SHCBP1L: variants seen among roughly 807,000 people sequenced by gnomAD.
The protein encoded by SHCBP1L is SHC binding and spindle associated 1 like, also known as testicular spindle-associated protein SHCBP1L.
In SHCBP1L, 67 loss-of-function variants were observed where a neutral mutation model predicts 62.5. That is an observed-to-expected ratio of 1.07 (90% CI 0.88 to 1.31). The LOEUF is 1.31. SHCBP1L is among the 40% of genes most tolerant of loss of function. SHCBP1L has a pLI of 0.00. For missense variants in SHCBP1L, 823 were observed against 809.8 expected, an observed-to-expected ratio of 1.02 and a Z score of -0.20; for synonymous variants, 284 against 289.4, an observed-to-expected ratio of 0.98 and a Z score of 0.19.
chr1:182,949,953 C>T (rs1326255569), intron 2 of SHCBP1L, among the ~76,000 whole-genome samples: 1 of 151,666 alleles, frequency 6.6e-6, no homozygotes, highest in African/African-American at 2.4e-5. Context: ...AGGTGTGTGC[C>T]TGTTTTTCTG....
At chr1:182,923,491 G>GT (rs1260924261) in intron 6 of SHCBP1L, among the ~76,000 whole-genome samples, 1 of 152,062 alleles carries the variant, frequency 6.6e-6, no homozygotes, top group African/African-American at 2.4e-5. Flanking sequence ...ACTGAATCTA[G>GT]TAGCACATCA....
chr1:182,945,416 C>T (rs1558005341), intron 2 of SHCBP1L, among the ~76,000 whole-genome samples: 1 of 152,214 alleles, frequency 6.6e-6, no homozygotes, highest in Non-Finnish European at 1.5e-5. Flanking sequence ...AGTTCTCTGA[C>T]CAGTTCTATT....
intron 6 of SHCBP1L, among the ~76,000 whole-genome samples, chr1:182,924,660 C>T (rs1018784182): frequency 5.5e-5 from 7 of 128,232 alleles, no homozygotes; most frequent in Admixed American, 8.7e-5. Context: ...AGTGCTATTC[C>T]GATCCAACTA....
rs138163939 is a variant in SHCBP1L, at chr1:182,901,587, T to C, written c.1711-1353A>G. ...AGAGGAAGATTGGAAGGAGATTACG[T>C]TGGAGAAAGCAGGGGCCAGATCTTG... is the stretch of plus-strand genomic sequence containing the variant. On this transcript the variant is annotated intron_variant, in intron 9 of 9. Transcript: ENST00000367547. 2.4e-4 allele frequency among the ~76,000 whole-genome samples: 37 copies of C among 152,294 alleles called. 1 individual carries two copies. Among genetic ancestry groups the C allele is most frequent in the Non-Finnish European group, 5.0e-4 (34 of 68,018 alleles).
chr1:182,935,465 A>G (rs1651135128), intron 5 of SHCBP1L, among the ~76,000 whole-genome samples: 1 of 152,214 alleles, frequency 6.6e-6, no homozygotes. Context: ...CTGCTGGTAT[A>G]TAAAAAAGCA....
At chr1:182,913,433 G>A (rs139510634) in intron 6 of SHCBP1L, among the ~76,000 whole-genome samples, 1 of 152,320 alleles carries the variant, frequency 6.6e-6, no homozygotes, top group Non-Finnish European at 1.5e-5. Flanking sequence ...TGCTGGCAGG[G>A]AGAAAGCCCC....
chr1:182,913,992 A>G (rs1312893148), intron 6 of SHCBP1L, among the ~76,000 whole-genome samples: 1 of 152,180 alleles, frequency 6.6e-6, no homozygotes, highest in Non-Finnish European at 1.5e-5. Context: ...AAAAAATAAT[A>G]ATGATAAAAA....
chr1:182,942,491 C>T, intron 2 of SHCBP1L: 1 of 632,920 alleles, frequency 1.6e-6, no homozygotes. Flanking sequence ...GCCGCTGCCA[C>T]TCCTCCCGCC....
chr1:182,920,867 G>C (rs1650507682), intron 6 of SHCBP1L, among the ~76,000 whole-genome samples: 1 of 152,098 alleles, frequency 6.6e-6, no homozygotes, highest in South Asian at 2.1e-4. Flanking sequence ...CAAAACCTCT[G>C]ACAAATATGG....
chr1:182,932,142 T>C (rs1436131360), intron 5 of SHCBP1L, among the ~76,000 whole-genome samples: 1 of 130,018 alleles, frequency 7.7e-6, no homozygotes, highest in Non-Finnish European at 1.5e-5. Flanking sequence ...ACATTCCTTG[T>C]CTGGGTGTCC....
intron 6 of SHCBP1L, among the ~76,000 whole-genome samples, chr1:182,921,632 G>A (rs1406615968): frequency 2.0e-5 from 3 of 152,210 alleles, no homozygotes; most frequent in Non-Finnish European, 2.9e-5. Flanking sequence ...CAGGCAGGGC[G>A]TGGTGGCTCA....
At chr1:182,942,941 T>C (rs1651419863) in intron 2 of SHCBP1L, among the ~76,000 whole-genome samples, 1 of 152,218 alleles carries the variant, frequency 6.6e-6, no homozygotes. Flanking sequence ...ATATAAATTA[T>C]GTTCTTCAAA....
At chr1:182,910,423 T>C (rs1015916928) in intron 6 of SHCBP1L, among the ~76,000 whole-genome samples, 6 of 152,200 alleles carry the variant, frequency 3.9e-5, no homozygotes, top group Non-Finnish European at 8.8e-5. Context: ...CAAAATACTA[T>C]GGTTGTAAAT....
At chr1:182,932,476 T>C (rs114670097) in intron 5 of SHCBP1L, among the ~76,000 whole-genome samples, 1 of 145,526 alleles carries the variant, frequency 6.9e-6, no homozygotes, top group African/African-American at 2.8e-5. Context: ...TTATTATTTA[T>C]TTATTTATTT....
At chr1:182,914,364 A>AT (rs1650286588) in intron 6 of SHCBP1L, among the ~76,000 whole-genome samples, 1 of 152,196 alleles carries the variant, frequency 6.6e-6, no homozygotes, top group Non-Finnish European at 1.5e-5. Flanking sequence ...TAAAGGCAGT[A>AT]TTACTGTATT....
At chr1:182,927,104 A>G (rs1650786669) in intron 6 of SHCBP1L, among the ~76,000 whole-genome samples, 1 of 70,826 alleles carries the variant, frequency 1.4e-5, no homozygotes, top group African/African-American at 4.9e-5. Flanking sequence ...ATATATATAT[A>G]TATATATATA....
rs764607458 is a variant in SHCBP1L, at chr1:182,939,187, A to T, written c.1065T>A (p.Asp355Glu). ...MLCGLLKMWE[D>E]LRLRVHGPFF... Reference sequence around the variant, plus strand: ...GAGCAAATTATTACCGGAGGCGTAAATCTTCCCACATTTTCAGTAATCCAC... The same window carrying T: ...GAGCAAATTATTACCGGAGGCGTAATTCTTCCCACATTTTCAGTAATCCAC... Residue 355 changes from aspartate to glutamate, a missense_variant, in exon 5 of 10, where the codon GAT becomes GAA. Physicochemically the swap from Asp to Glu is conservative, Grantham distance 45. Transcript: ENST00000367547. 11 of 1,609,308 alleles carry T rather than the reference A, an allele frequency of 6.8e-6. No individual in the cohort carries two copies. In the South Asian group the frequency reaches 1.1e-4, roughly 16 times the overall value.
chr1:182,930,032 C>T (rs923191368), intron 5 of SHCBP1L, among the ~76,000 whole-genome samples: 4 of 152,148 alleles, frequency 2.6e-5, no homozygotes, highest in African/African-American at 9.7e-5. Context: ...GCTACCTCAA[C>T]CTTCCAATAC....
At chr1:182,945,030 G>A (rs896151135) in intron 2 of SHCBP1L, among the ~76,000 whole-genome samples, 6 of 137,970 alleles carry the variant, frequency 4.3e-5, no homozygotes, top group South Asian at 4.5e-4. Flanking sequence ...GTGTGATCTC[G>A]GGCTCACTGC....
Sources: gnomAD v4.1 joint callset for allele counts (sites outside exome capture counted in the v4.1 genomes callset) on GRCh38, gnomAD v4.1.1 for gene constraint, MANE v1.5 for transcripts, NCBI Gene and HGNC (gene_info 2026-07-23, HGNC 2026-07-21) for gene names.